TMEM132D: variants seen among roughly 807,000 people sequenced by gnomAD.
TMEM132D encodes mature OL transmembrane protein.
Under a neutral mutation model 62.3 loss-of-function variants are expected in TMEM132D, and 21 were observed. The observed-to-expected ratio is 0.34, with a 90% confidence interval of 0.24 to 0.49. The LOEUF (loss-of-function observed/expected upper bound fraction) is 0.49. Ranked by LOEUF, TMEM132D falls within the 20% of genes least tolerant of loss-of-function variation. TMEM132D has a pLI of 0.99. For synonymous variants in TMEM132D, 621 were observed against 575.6 expected (o/e 1.08, Z -1.13); for missense variants, 1,346 against 1,402.8 (o/e 0.96, Z 0.65).
intron 5 of TMEM132D, among the ~76,000 whole-genome samples, chr12:129,124,749 A>G (rs1033695761): frequency 1.3e-5 from 2 of 152,244 alleles, no homozygotes; most frequent in African/African-American, 2.4e-5. Context: ...GCTCTGGGCT[A>G]TTATGAATGA....
At chr12:129,367,077 G>A (rs1384932147) in intron 3 of TMEM132D, among the ~76,000 whole-genome samples, 3 of 152,182 alleles carry the variant, frequency 2.0e-5, no homozygotes, top group Non-Finnish European at 2.9e-5. Context: ...GGAGGACACC[G>A]GCTGAGCACA....
intron 1 of TMEM132D, among the ~76,000 whole-genome samples, chr12:129,705,480 AAAT>A (rs1464859092): frequency 2.0e-5 from 3 of 152,344 alleles, no homozygotes; most frequent in African/African-American, 7.2e-5. Flanking sequence ...AGATATTAAA[AAAT>A]AATGATAAAT....
intron 3 of TMEM132D, among the ~76,000 whole-genome samples, chr12:129,458,242 GCAA>G (rs1183451287): frequency 1.3e-5 from 2 of 152,110 alleles, no homozygotes; most frequent in African/African-American, 4.8e-5. Flanking sequence ...GTTCTTGACT[GCAA>G]CAACAATAAA....
chr12:129,741,432 G>A (rs745788630), intron 1 of TMEM132D, among the ~76,000 whole-genome samples: 12 of 152,130 alleles, frequency 7.9e-5, no homozygotes, highest in Non-Finnish European at 1.6e-4. Flanking sequence ...GAACAATAAA[G>A]AAAAATGCAT....
intron 5 of TMEM132D, among the ~76,000 whole-genome samples, chr12:129,191,390 C>T (rs1023784934): frequency 2.0e-5 from 3 of 150,334 alleles, no homozygotes; most frequent in Non-Finnish European, 4.4e-5. Context: ...AGAAATTACA[C>T]ATATAGAATA....
chr12:129,866,720 C>T (rs944914236), intron 1 of TMEM132D, among the ~76,000 whole-genome samples: 3 of 151,994 alleles, frequency 2.0e-5, no homozygotes, highest in Non-Finnish European at 2.9e-5. Flanking sequence ...GTAGGCTCTT[C>T]GAGATATTAA....
chr12:129,156,767 C>T (rs758728171), intron 5 of TMEM132D, among the ~76,000 whole-genome samples: 1 of 152,172 alleles, frequency 6.6e-6, no homozygotes, highest in African/African-American at 2.4e-5. Flanking sequence ...CTAACCCACT[C>T]CCAAGATAAC....
intron 2 of TMEM132D, among the ~76,000 whole-genome samples, chr12:129,578,418 G>GTGTGTGTGTGTT (rs1877741082): frequency 6.6e-6 from 1 of 150,872 alleles, no homozygotes; most frequent in Non-Finnish European, 1.5e-5. Context: ...ATGTGTGTGT[G>GTGTGTGTGTGTT]TGTGTGTATA....
intron 3 of TMEM132D, among the ~76,000 whole-genome samples, chr12:129,519,901 A>C (rs1021907172): frequency 1.3e-5 from 2 of 152,132 alleles, no homozygotes; most frequent in Non-Finnish European, 2.9e-5. Flanking sequence ...GAGCCACCGC[A>C]CCTGGCCAAG....
intron 5 of TMEM132D, among the ~76,000 whole-genome samples, chr12:129,192,856 A>G (rs1304695681): frequency 6.6e-6 from 1 of 152,174 alleles, no homozygotes; most frequent in Non-Finnish European, 1.5e-5. Context: ...CAACACTACC[A>G]TTCTAATGTT....
At chr12:129,267,071 T>C (rs1226775676) in intron 4 of TMEM132D, among the ~76,000 whole-genome samples, 2 of 152,204 alleles carry the variant, frequency 1.3e-5, no homozygotes, top group African/African-American at 4.8e-5. Context: ...CCTAAGTCTC[T>C]GGGCTGGTGC....
chr12:129,723,910 C>G (rs1159332982), intron 1 of TMEM132D, among the ~76,000 whole-genome samples: 1 of 152,170 alleles, frequency 6.6e-6, no homozygotes, highest in African/African-American at 2.4e-5. Context: ...CCTCCACTAC[C>G]AAGATGTCCA....
At chr12:129,321,239 GCTGTTTTAAAACATATTATCA>G (rs1290905551) in intron 4 of TMEM132D, among the ~76,000 whole-genome samples, 5 of 152,106 alleles carry the variant, frequency 3.3e-5, no homozygotes, top group Non-Finnish European at 5.9e-5. Context: ...AAATTCATAG[GCTGTTTTAAAACATATTATCA>G]CTGATCTTCC....
intron 1 of TMEM132D, among the ~76,000 whole-genome samples, chr12:129,774,876 G>C (rs1231629776): frequency 6.6e-6 from 1 of 152,212 alleles, no homozygotes; most frequent in Admixed American, 6.5e-5. Context: ...GACACGCTGA[G>C]TAATGGATCT....
chr12:129,268,321 C>T (rs1190443423), intron 4 of TMEM132D, among the ~76,000 whole-genome samples: 3 of 152,156 alleles, frequency 2.0e-5, no homozygotes, highest in African/African-American at 4.8e-5. Flanking sequence ...CTACAAAGAA[C>T]TCAAACAAAT....
chr12:129,669,613 G>A (rs1880453767), intron 2 of TMEM132D, among the ~76,000 whole-genome samples: 1 of 152,120 alleles, frequency 6.6e-6, no homozygotes. Context: ...GATGAGGCAG[G>A]AGAATCACTT....
chr12:129,564,426 T>C (rs892547087), intron 2 of TMEM132D, among the ~76,000 whole-genome samples: 1 of 152,212 alleles, frequency 6.6e-6, no homozygotes, highest in South Asian at 2.1e-4. Flanking sequence ...CTGAATCATC[T>C]GGGACAAGGT....
chr12:129,281,181 C>CATCA (rs1881135000), intron 4 of TMEM132D, among the ~76,000 whole-genome samples: 1 of 152,068 alleles, frequency 6.6e-6, no homozygotes, highest in Non-Finnish European at 1.5e-5. Flanking sequence ...GTCATTAAGG[C>CATCA]AGGTCAAGAA....
chr12:129,256,972 G>A (rs78018176), intron 4 of TMEM132D, among the ~76,000 whole-genome samples: 6,654 of 152,264 alleles, frequency 0.044, 329 homozygotes, highest in East Asian at 0.26. Flanking sequence ...CCACTCTGAT[G>A]TTTTAGCAGC....
Sources: gnomAD v4.1 joint callset for allele counts (sites outside exome capture counted in the v4.1 genomes callset) on GRCh38, gnomAD v4.1.1 for gene constraint, MANE v1.5 for transcripts, NCBI Gene and HGNC (gene_info 2026-07-23, HGNC 2026-07-21) for gene names.